Variants in BUB1B observed in about 807,000 individuals in gnomAD.
BUB1B encodes the protein mitotic checkpoint serine/threonine-protein kinase BUB1 beta.
In BUB1B, 86 loss-of-function variants were observed where a neutral mutation model predicts 137.7. The ratio of observed to expected loss-of-function variants is 0.62; its 90% CI spans 0.52 to 0.75. The LOEUF (loss-of-function observed/expected upper bound fraction) is 0.75, where lower values mean the gene tolerates loss of function less well. BUB1B is among the 30% of genes least tolerant of loss of function. BUB1B has a pLI of 0.00. For synonymous variants in BUB1B, 420 were observed against 417.9 expected (o/e 1.00, Z -0.06); for missense variants, 1,130 against 1,236.9 (o/e 0.91, Z 1.30).
chr15:40,166,480 C>T (rs530887929), intron 2 of BUB1B: 46 of 313,672 alleles, frequency 1.5e-4, no homozygotes, highest in South Asian at 1.1e-3. Flanking sequence ...GCTGGGACTA[C>T]AGGTGCCTGC....
chr15:40,170,007 G>A, intron 2 of BUB1B, 55 bp from the exon 3 acceptor site: 1 of 1,356,228 alleles, frequency 7.4e-7, no homozygotes, highest in Non-Finnish European at 1.1e-6. Context: ...AGTGATACTT[G>A]TTCATTGGCT....
At chr15:40,218,359 G>A in intron 21 of BUB1B, 97 bp from the exon 22 acceptor site, 1 of 843,970 alleles carries the variant, frequency 1.2e-6, no homozygotes, top group South Asian at 1.4e-5. Flanking sequence ...AATAAACTTA[G>A]TTAAGCACTG....
intron 8 of BUB1B, among the ~76,000 whole-genome samples, chr15:40,191,305 G>T (rs1221554978): frequency 1.3e-5 from 2 of 152,102 alleles, no homozygotes; most frequent in Admixed American, 6.6e-5. Flanking sequence ...TGAGTAAGGG[G>T]AAACTACTCT....
intron 8 of BUB1B, 145 bp downstream of exon 8, chr15:40,185,787 C>A: frequency 1.3e-6 from 1 of 789,826 alleles, no homozygotes; most frequent in Non-Finnish European, 2.1e-6. Flanking sequence ...AATCCCAGCA[C>A]AGGCTGAGGC....
At chr15:40,183,062 G>A (rs2037313346) in intron 5 of BUB1B, among the ~76,000 whole-genome samples, 1 of 152,020 alleles carries the variant, frequency 6.6e-6, no homozygotes, top group African/African-American at 2.4e-5. Context: ...ATTTATTCTG[G>A]GTTTTTTGGG....
At chr15:40,206,638 G>A (rs538991313) in intron 15 of BUB1B, among the ~76,000 whole-genome samples, 180 bp downstream of exon 15, 1 of 152,156 alleles carries the variant, frequency 6.6e-6, no homozygotes, top group Non-Finnish European at 1.5e-5. Context: ...TGATTGATTT[G>A]GATGTGAGGG....
chr15:40,168,425 A>T (rs913194807), intron 2 of BUB1B, among the ~76,000 whole-genome samples: 1 of 152,106 alleles, frequency 6.6e-6, no homozygotes, highest in Non-Finnish European at 1.5e-5. Context: ...TTTTGATTAC[A>T]TTGGTTTGAA....
Position 40,170,689 on chromosome 15 carries a change from T to A in BUB1B, c.384+8T>A. ...AATCTCTGGCTTAAATTAGTAAGTCTTTCTCAAGTGCCATCTGAGTTTTAA... is the reference window on the plus strand; with the variant it reads ...AATCTCTGGCTTAAATTAGTAAGTCATTCTCAAGTGCCATCTGAGTTTTAA... On this transcript the variant is annotated splice_region_variant and intron_variant, in intron 4 of 22. Transcript: ENST00000287598. 1 of 1,612,700 alleles carries A rather than the reference T, an allele frequency of 6.2e-7. No homozygotes were observed. The highest frequency in any genetic ancestry group is 1.7e-4 in the Middle Eastern group (1 of 6,018).
At chr15:40,213,510 TC>T (rs1159879670) in intron 20 of BUB1B, 36 bp downstream of exon 20, 1 of 1,612,280 alleles carries the variant, frequency 6.2e-7, no homozygotes, top group Admixed American at 1.7e-5. Flanking sequence ...CTGCCAGCTG[TC>T]TCTTAAAACA....
Position 40,220,617 on chromosome 15 carries a change from A to C in BUB1B, c.3011A>C (p.Asn1004Thr). Residue 1004 changes from asparagine (N) to threonine (T), a missense_variant, in exon 23 of 23, where the codon AAT becomes ACT. Asn to Thr is a moderately conservative substitution (Grantham distance 65, BLOSUM62 0). Transcript: ENST00000287598. ...TTCTTTGTGCGGATTCTGAATGCCA[A>C]TGATGAGGCCACAGTGTCTGTTCTT... ...NKFFVRILNANDEATVSVLGE... is the reference protein window; with the variant it reads ...NKFFVRILNATDEATVSVLGE... 1 of 1,614,218 alleles carries C rather than the reference A, an allele frequency of 6.2e-7. No homozygotes were observed. Among genetic ancestry groups the C allele is most frequent in the South Asian group, 1.1e-5 (1 of 91,088 alleles).
Position 40,165,066 on chromosome 15 carries a change from CT to C in BUB1B, c.50del (p.Leu17ArgfsTer8), listed in dbSNP as rs753928720. The C allele has an allele frequency of 6.2e-7, 1 of 1,614,118 alleles. No individual in the cohort carries two copies. Among genetic ancestry groups the C allele is most frequent in the Non-Finnish European group, 8.5e-7 (1 of 1,180,024 alleles). ...EGGALSEAMS[L>X]EGDEWELSKE... Reference sequence around the variant, plus strand: ...CCTTCTTCACAGTGAAGCCATGTCCCTGGAGGGAGATGAATGGGAACTGAGT... The same window carrying C: ...CCTTCTTCACAGTGAAGCCATGTCCCGGAGGGAGATGAATGGGAACTGAGT... On this transcript the variant is annotated frameshift_variant, in exon 2 of 23. Coordinates refer to ENST00000287598, the MANE Select transcript of BUB1B (RefSeq NM_001211.6). LOFTEE classifies it high-confidence loss of function.
At chr15:40,189,160 T>G (rs73390146) in intron 8 of BUB1B, among the ~76,000 whole-genome samples, 396 of 152,110 alleles carry the variant, frequency 2.6e-3, no homozygotes, top group Non-Finnish European at 4.6e-3. Flanking sequence ...TTTTTTTGTT[T>G]GTTTGTTTTT....
chr15:40,182,815 C>T (rs1351570573), intron 5 of BUB1B, among the ~76,000 whole-genome samples: 1 of 152,140 alleles, frequency 6.6e-6, no homozygotes, highest in African/African-American at 2.4e-5. Flanking sequence ...TCACATACCA[C>T]CACTGCAACA....
intron 1 of BUB1B, among the ~76,000 whole-genome samples, chr15:40,163,143 C>A (rs1257965535): frequency 6.6e-6 from 1 of 152,136 alleles, no homozygotes; most frequent in Non-Finnish European, 1.5e-5. Flanking sequence ...GTGATGCTCC[C>A]TGTGATGGAG....
chr15:40,202,842 A>G, intron 14 of BUB1B, 148 bp downstream of exon 14: 1 of 739,258 alleles, frequency 1.4e-6, no homozygotes, highest in Non-Finnish European at 2.4e-6. Context: ...GGGAAATGCA[A>G]ATCAAAACCA....
intron 18 of BUB1B, among the ~76,000 whole-genome samples, chr15:40,211,052 C>G (rs764206860): frequency 2.0e-5 from 3 of 152,154 alleles, no homozygotes; most frequent in Non-Finnish European, 2.9e-5. Flanking sequence ...CTCTTATTCT[C>G]TAATTCCTTT....
chr15:40,220,665 A>T lies in BUB1B; in HGVS notation c.3059A>T (p.Asn1020Ile), dbSNP rs1427939209. The T allele has an allele frequency of 1.2e-6, 2 of 1,614,166 alleles. No homozygotes were observed. Among genetic ancestry groups the T allele is most frequent in the Admixed American group, 3.3e-5 (2 of 60,010 alleles). ...SVLGELAAEM[N>I]GVFDTTFQSH... ...CTTGGGGAGCTTGCAGCAGAAATGA[A>T]TGGGGTTTTTGACACTACATTCCAA... Residue 1020 changes from asparagine to isoleucine, a missense_variant, in exon 23 of 23, where the codon AAT (asparagine) becomes ATT (isoleucine). Coordinates refer to ENST00000287598, the MANE Select transcript of BUB1B (RefSeq NM_001211.6).
chr15:40,206,264 A>C lies in BUB1B; in HGVS notation c.1815A>C (p.Pro605=), dbSNP rs778374888. 1 of 1,614,214 alleles carries C rather than the reference A, an allele frequency of 6.2e-7. No homozygotes were observed. The highest frequency in any genetic ancestry group is 8.5e-7 in the Non-Finnish European group (1 of 1,180,040). The change falls in exon 15 of 23, where the codon CCA becomes CCC. Residue 605 remains proline, a synonymous_variant. Coordinates refer to ENST00000287598, the MANE Select transcript of BUB1B (RefSeq NM_001211.6). The part of the protein sequence containing the change: ...GFRNVTICPN[P]EDTCDFARAA... ...GAAATGTAACAATTTGTCCTAACCC[A>C]GAAGACACTTGTGACTTTGCCAGAG... is the stretch of plus-strand genomic sequence containing the variant.
At chr15:40,198,486 G>C (rs1395779783) in intron 9 of BUB1B, among the ~76,000 whole-genome samples, 6 of 152,056 alleles carry the variant, frequency 3.9e-5, no homozygotes, top group Admixed American at 3.9e-4. Flanking sequence ...AATAAATGTG[G>C]TTTCTAGTTA....
Sources: allele counts gnomAD v4.1 joint callset (sites outside exome capture counted in the v4.1 genomes callset), GRCh38; gene constraint gnomAD v4.1.1; transcripts MANE v1.5; gene names NCBI Gene and HGNC (gene_info 2026-07-23, HGNC 2026-07-21).